The following TSHZ2 variants were observed in gnomAD, a reference collection of about 807,000 sequenced individuals.
TSHZ2 encodes the protein teashirt zinc finger homeobox 2, also known as teashirt homolog 2.
Under a neutral mutation model 74.4 loss-of-function variants are expected in TSHZ2, and 21 were observed. The ratio of observed to expected loss-of-function variants is 0.28; its 90% CI spans 0.20 to 0.41. The LOEUF is 0.41. Among genes scored for constraint, TSHZ2 ranks in the 10% least tolerant of loss-of-function variants. The pLI is 1.00. For synonymous variants in TSHZ2, 540 were observed against 515.3 expected, an observed-to-expected ratio of 1.05 and a Z score of -0.65; for missense variants, 1,244 against 1,293.5, an observed-to-expected ratio of 0.96 and a Z score of 0.59.
At chr20:53,469,654 A>G (rs1313704696) in intron 2 of TSHZ2, among the ~76,000 whole-genome samples, 13 of 70,572 alleles carry the variant, frequency 1.8e-4, no homozygotes, top group African/African-American at 6.7e-4. Context: ...GGAAGGAAGG[A>G]AGGAAGGAAG....
At chr20:53,360,256 G>A (rs1166480432) in intron 2 of TSHZ2, among the ~76,000 whole-genome samples, 1 of 152,200 alleles carries the variant, frequency 6.6e-6, no homozygotes, top group African/African-American at 2.4e-5. Context: ...GACAGCATAT[G>A]TCATTTTGTC....
rs143852327 is a variant in TSHZ2 at position 53,341,855 on chromosome 20, C to T, written c.*8+85284C>T. Among the ~76,000 whole-genome samples the T allele has an allele frequency of 1.7e-3, 265 of 152,178 alleles. 3 individuals are homozygous for T. In the East Asian group the frequency reaches 0.046, roughly 27 times the overall value. On this transcript the variant is annotated intron_variant, in intron 2 of 2. Coordinates refer to ENST00000371497, the MANE Select transcript of TSHZ2 (RefSeq NM_173485.6). ...CCTCCCAAGTAGCTGGGATTACAGG[C>T]GTGTGCCACCACACCCAGCTAATTT...
chr20:53,254,393 T>C lies in TSHZ2; in HGVS notation c.935T>C (p.Ile312Thr), dbSNP rs1990412397. Residue 312 changes from isoleucine to threonine, a missense_variant, in exon 2 of 3, where the codon ATT (isoleucine) becomes ACT (threonine). Coordinates refer to ENST00000371497, the MANE Select transcript of TSHZ2 (RefSeq NM_173485.6). ...CCTTTGAAGGAGCCAGTCCCAACCATTTCCTCGAAAATGGTCACCCCGGCT... is the reference window on the plus strand; with the variant it reads ...CCTTTGAAGGAGCCAGTCCCAACCACTTCCTCGAAAATGGTCACCCCGGCT... Reference protein sequence around the residue: ...KVPLKEPVPTISSKMVTPAKK... With the variant: ...KVPLKEPVPTTSSKMVTPAKK... 6.2e-7 allele frequency: 1 copy of C among 1,613,778 alleles called. No homozygotes were observed. Among genetic ancestry groups the C allele is most frequent in the Non-Finnish European group, 8.5e-7 (1 of 1,179,826 alleles).
At chr20:52,986,956 C>G (rs1981790670) in intron 1 of TSHZ2, among the ~76,000 whole-genome samples, 1 of 151,850 alleles carries the variant, frequency 6.6e-6, no homozygotes. Flanking sequence ...GAAGATGTTG[C>G]ACAAGCTGTG....
chr20:53,279,403 ATTC>A (rs1308063398), intron 2 of TSHZ2, among the ~76,000 whole-genome samples: 3 of 152,192 alleles, frequency 2.0e-5, no homozygotes, highest in South Asian at 4.1e-4. Flanking sequence ...ATAAAACATC[ATTC>A]TTCTTCTGAT....
At chr20:53,361,285 G>C (rs1408311616) in intron 2 of TSHZ2, among the ~76,000 whole-genome samples, 1 of 152,230 alleles carries the variant, frequency 6.6e-6, no homozygotes, top group African/African-American at 2.4e-5. Context: ...GCAGGAAGCT[G>C]TTCTTTGGGA....
At chr20:53,013,751 A>T (rs1982934962) in intron 1 of TSHZ2, among the ~76,000 whole-genome samples, 1 of 136,440 alleles carries the variant, frequency 7.3e-6, no homozygotes, top group Non-Finnish European at 1.8e-5. Context: ...GAGGAAGCAT[A>T]GGCTGATTAC....
intron 1 of TSHZ2, among the ~76,000 whole-genome samples, chr20:53,245,279 C>G (rs998065933): frequency 6.6e-6 from 1 of 152,218 alleles, no homozygotes; most frequent in Non-Finnish European, 1.5e-5. Context: ...AGACATTACA[C>G]AGTACACCAA....
At chr20:53,425,694 A>G (rs1983631044) in intron 2 of TSHZ2, among the ~76,000 whole-genome samples, 1 of 152,244 alleles carries the variant, frequency 6.6e-6, no homozygotes, top group African/African-American at 2.4e-5. Context: ...GCATGAAAAC[A>G]GCCACAGACA....
At chr20:53,051,009 A>C (rs6068441) in intron 1 of TSHZ2, among the ~76,000 whole-genome samples, 34,773 of 152,186 alleles carry the variant, frequency 0.23, 7,507 homozygotes, top group African/African-American at 0.57. Context: ...TGGGAACTAG[A>C]GCATTTAGTA....
chr20:53,303,723 A>C (rs1280327646), intron 2 of TSHZ2, among the ~76,000 whole-genome samples: 1 of 152,212 alleles, frequency 6.6e-6, no homozygotes, highest in Non-Finnish European at 1.5e-5. Flanking sequence ...TATGGACAAG[A>C]GAAGCAGCCT....
chr20:53,126,831 A>G (rs114311953), intron 1 of TSHZ2, among the ~76,000 whole-genome samples: 1,904 of 152,294 alleles, frequency 0.013, 40 homozygotes, highest in African/African-American at 0.044. Flanking sequence ...CCGGATCCAC[A>G]CTGTTGTAGA....
intron 1 of TSHZ2, among the ~76,000 whole-genome samples, chr20:53,205,026 GGTT>G (rs1989131491): frequency 6.6e-6 from 1 of 151,880 alleles, no homozygotes; most frequent in Non-Finnish European, 1.5e-5. Flanking sequence ...GGGAGGCAGA[GGTT>G]GCAGTGAGCA....
At chr20:53,438,354 C>G (rs1213800096) in intron 2 of TSHZ2, among the ~76,000 whole-genome samples, 2 of 152,086 alleles carry the variant, frequency 1.3e-5, no homozygotes, top group African/African-American at 4.8e-5. Context: ...AGGCAATACC[C>G]AAGTGCTAGG....
chr20:53,252,224 G>A (rs113573020), intron 1 of TSHZ2, among the ~76,000 whole-genome samples: 11 of 152,192 alleles, frequency 7.2e-5, no homozygotes, highest in South Asian at 4.2e-4. Flanking sequence ...CTAATTCTCC[G>A]TGCCTGCCTC....
At chr20:53,428,345 A>G (rs1231353422) in intron 2 of TSHZ2, among the ~76,000 whole-genome samples, 2 of 152,194 alleles carry the variant, frequency 1.3e-5, no homozygotes, top group South Asian at 4.1e-4. Flanking sequence ...GGCACTGTGT[A>G]TTATTATTAT....
At chr20:53,044,651 C>A (rs913364610) in intron 1 of TSHZ2, among the ~76,000 whole-genome samples, 1 of 152,148 alleles carries the variant, frequency 6.6e-6, no homozygotes, top group African/African-American at 2.4e-5. Context: ...GACCCCAGCC[C>A]CAGTTCCCCA....
chr20:53,090,531 C>T (rs540723203), intron 1 of TSHZ2, among the ~76,000 whole-genome samples: 4 of 152,250 alleles, frequency 2.6e-5, no homozygotes, highest in South Asian at 4.2e-4. Flanking sequence ...AGATTTTAAG[C>T]AGCAGAATTC....
intron 1 of TSHZ2, among the ~76,000 whole-genome samples, chr20:52,979,794 C>A (rs1007529870): frequency 6.6e-6 from 1 of 152,094 alleles, no homozygotes; most frequent in Non-Finnish European, 1.5e-5. Flanking sequence ...TCAGGAGGCA[C>A]AGCAAGATAA....
Sources: allele counts gnomAD v4.1 joint callset (sites outside exome capture counted in the v4.1 genomes callset), GRCh38; gene constraint gnomAD v4.1.1; transcripts MANE v1.5; gene names NCBI Gene and HGNC (gene_info 2026-07-23, HGNC 2026-07-21).